The following SGCD variants were observed in gnomAD, a reference collection of about 807,000 sequenced individuals.
SGCD encodes delta-sarcoglycan.
SGCD carries 18 observed loss-of-function variants against 36.6 expected under a neutral mutation model. That is an observed-to-expected ratio of 0.49 (90% CI 0.34 to 0.73). The LOEUF (loss-of-function observed/expected upper bound fraction) is 0.73. SGCD is among the 30% of genes least tolerant of loss of function. The pLI, the probability that SGCD is intolerant of heterozygous loss-of-function variation, is 0.01. For synonymous variants in SGCD, 133 were observed against 130.6 expected, an observed-to-expected ratio of 1.02 and a Z score of -0.12; for missense variants, 387 against 346.7, an observed-to-expected ratio of 1.12 and a Z score of -0.92.
At chr5:156,114,288 C>T (rs969738779) in intron 1 of SGCD, among the ~76,000 whole-genome samples, 1 of 151,998 alleles carries the variant, frequency 6.6e-6, no homozygotes, top group African/African-American at 2.4e-5. Flanking sequence ...AAGTTCAATT[C>T]GATTTTGCTG....
At chr5:156,361,623 C>T (rs1390775609) in intron 3 of SGCD, among the ~76,000 whole-genome samples, 1 of 152,138 alleles carries the variant, frequency 6.6e-6, no homozygotes, top group East Asian at 1.9e-4. Context: ...AGCACAGAGT[C>T]ATAAGCTCAT....
At chr5:156,398,898 A>G (rs952408934) in intron 3 of SGCD, among the ~76,000 whole-genome samples, 1 of 152,178 alleles carries the variant, frequency 6.6e-6, no homozygotes, top group African/African-American at 2.4e-5. Flanking sequence ...TTTAATTAAT[A>G]TTAAACTCCA....
At chr5:156,313,920 G>A (rs752528096) in intron 3 of SGCD, among the ~76,000 whole-genome samples, 1 of 151,970 alleles carries the variant, frequency 6.6e-6, no homozygotes, top group Admixed American at 6.6e-5. Flanking sequence ...CACAGGCCGT[G>A]ACATCTACTT....
At chr5:155,780,502 C>T in the SGCD span, among the ~76,000 whole-genome samples, 1 of 152,126 alleles carries the variant, frequency 6.6e-6, no homozygotes, top group Non-Finnish European at 1.5e-5. Context: ...TATAAATGTA[C>T]TTATTTATCC....
At chr5:156,503,693 T>C (rs1449138099) in intron 3 of SGCD, among the ~76,000 whole-genome samples, 1 of 152,162 alleles carries the variant, frequency 6.6e-6, no homozygotes, top group East Asian at 1.9e-4. Context: ...ACTAACAAAT[T>C]TGCTCACTTG....
chr5:156,677,634 A>G (rs1026590864), intron 7 of SGCD, among the ~76,000 whole-genome samples: 1 of 152,062 alleles, frequency 6.6e-6, no homozygotes, highest in African/African-American at 2.4e-5. Context: ...ACATGTACAC[A>G]TATGTAACAA....
At chr5:156,695,159 TTG>T (rs933228253) in intron 7 of SGCD, among the ~76,000 whole-genome samples, 13 of 150,438 alleles carry the variant, frequency 8.6e-5, no homozygotes, top group African/African-American at 3.2e-4. Flanking sequence ...TGTGTGTGTG[TTG>T]GTTAATTTTA....
Position 155,925,929 on chromosome 5 carries a change from T to G in SGCD, c.-282+55505T>G, listed in dbSNP as rs147223583. Among the ~76,000 whole-genome samples, 791 of 152,122 alleles carry G rather than the reference T, an allele frequency of 5.2e-3. 2 individuals are homozygous for G. The highest frequency in any genetic ancestry group is 0.012 in the African/African-American group (502 of 41,502). On this transcript the variant is annotated intron_variant, in intron 1 of 9. Transcript: ENST00000517913. Reference sequence around the variant, plus strand: ...ACCACCACACCTGGCAACTTTTTTTTTTTTGTTTTGTTTTGTAGAGACAGG... The same window carrying G: ...ACCACCACACCTGGCAACTTTTTTTGTTTTGTTTTGTTTTGTAGAGACAGG...
chr5:156,391,667 C>A (rs1771577226), intron 3 of SGCD, among the ~76,000 whole-genome samples: 1 of 152,006 alleles, frequency 6.6e-6, no homozygotes, highest in South Asian at 2.1e-4. Context: ...AGGACTACAC[C>A]ATTTTATAAG....
chr5:156,169,617 A>G (rs1007649510), intron 3 of SGCD, among the ~76,000 whole-genome samples: 1 of 152,180 alleles, frequency 6.6e-6, no homozygotes, highest in Non-Finnish European at 1.5e-5. Context: ...AGTGCTATGG[A>G]GAAAAATAGA....
chr5:156,670,438 G>A (rs1183985850), intron 7 of SGCD, among the ~76,000 whole-genome samples: 1 of 152,140 alleles, frequency 6.6e-6, no homozygotes. Context: ...TCACCAATAC[G>A]CAATTGCTTT....
chr5:156,098,767 A>G (rs1761444520), intron 1 of SGCD, among the ~76,000 whole-genome samples: 2 of 152,200 alleles, frequency 1.3e-5, no homozygotes, highest in South Asian at 2.1e-4. Flanking sequence ...TGTTTTAACA[A>G]TGAAATGTGG....
intron 1 of SGCD, among the ~76,000 whole-genome samples, chr5:155,871,491 G>A (rs1344466852): frequency 6.6e-6 from 1 of 152,150 alleles, no homozygotes; most frequent in Non-Finnish European, 1.5e-5. Context: ...GAAAAGCCTG[G>A]ATAGGGATTT....
chr5:155,790,051 A>T, the SGCD span, among the ~76,000 whole-genome samples: 1 of 152,050 alleles, frequency 6.6e-6, no homozygotes, highest in African/African-American at 2.4e-5. Context: ...TATTCTCTGA[A>T]AAAAAATGCA....
intron 1 of SGCD, among the ~76,000 whole-genome samples, chr5:156,070,282 C>G (rs149995782): frequency 6.6e-6 from 1 of 151,846 alleles, no homozygotes; most frequent in African/African-American, 2.4e-5. Context: ...ATAGATAGCT[C>G]TCATTATTTT....
chr5:155,788,452 T>C, the SGCD span, among the ~76,000 whole-genome samples: 2,591 of 152,280 alleles, frequency 0.017, 82 homozygotes, highest in African/African-American at 0.058. Context: ...CCAAATTTTT[T>C]GCACCAGATT....
At chr5:155,988,065 A>G (rs1025813232) in intron 1 of SGCD, among the ~76,000 whole-genome samples, 6 of 152,222 alleles carry the variant, frequency 3.9e-5, no homozygotes, top group African/African-American at 1.2e-4. Context: ...AGTGACTTGC[A>G]TAAGTTCCAC....
chr5:156,044,799 C>T (rs1228739387), intron 1 of SGCD, among the ~76,000 whole-genome samples: 1 of 152,098 alleles, frequency 6.6e-6, no homozygotes, highest in Non-Finnish European at 1.5e-5. Context: ...AACATTTCTA[C>T]CACTGAAAGA....
chr5:156,229,277 C>CTT (rs1764940964), intron 3 of SGCD, among the ~76,000 whole-genome samples: 1 of 56,502 alleles, frequency 1.8e-5, no homozygotes, highest in Non-Finnish European at 3.3e-5. Context: ...TATATACATA[C>CTT]ATATATATAT....
Sources: allele counts gnomAD v4.1 joint callset (sites outside exome capture counted in the v4.1 genomes callset), GRCh38; gene constraint gnomAD v4.1.1; transcripts MANE v1.5; gene names NCBI Gene and HGNC (gene_info 2026-07-23, HGNC 2026-07-21).